NOC2L: variants seen among roughly 807,000 people sequenced by gnomAD.
NOC2L encodes nucleolar complex protein 2 homolog.
NOC2L carries 101 observed loss-of-function variants against 94.2 expected under a neutral mutation model. The observed-to-expected ratio is 1.07, with a 90% confidence interval of 0.91 to 1.26. The LOEUF is 1.26. Among genes scored for constraint, NOC2L ranks in the 50% most tolerant of loss-of-function variants. The pLI is 0.00. For synonymous variants in NOC2L, 531 were observed against 413.4 expected, an observed-to-expected ratio of 1.28 and a Z score of -3.45; for missense variants, 1,076 against 980.1, an observed-to-expected ratio of 1.10 and a Z score of -1.31.
In NOC2L at chr1:947,012, G is replaced by A. The variant is rs112689554; in HGVS notation, c.1660-467C>T. On this transcript the variant is annotated intron_variant, in intron 14 of 18. Coordinates refer to ENST00000327044, the MANE Select transcript of NOC2L (RefSeq NM_015658.4). ...ATGGAGATTGCAGTGAGCCGAGATCGCACCATTGCACTCCAGCCTGGGCAA... is the reference window on the plus strand; with the variant it reads ...ATGGAGATTGCAGTGAGCCGAGATCACACCATTGCACTCCAGCCTGGGCAA... The A allele has an allele frequency of 4.6e-3, 771 of 167,062 alleles. 8 individuals carry two copies. The highest frequency in any genetic ancestry group is 0.017 in the African/African-American group (697 of 41,820). 10.3% of individuals were successfully genotyped at this position (167,062 alleles called of 1,614,324 possible). A position where few individuals can be genotyped will look rare whatever the true frequency, so the allele number is the denominator to read the frequency against.
intron 12 of NOC2L, among the ~76,000 whole-genome samples, chr1:949,916 CTGGGCCT>C (rs1355039829): frequency 6.6e-6 from 1 of 152,232 alleles, no homozygotes; most frequent in East Asian, 1.9e-4. Context: ...TGACACGACT[CTGGGCCT>C]TCATGAGGCT....
chr1:951,181 C>G lies in NOC2L; in HGVS notation c.1389G>C (p.Thr463=). 1.3e-6 allele frequency: 2 copies of G among 1,597,430 alleles called. No individual in the cohort carries two copies. Among genetic ancestry groups the G allele is most frequent in the African/African-American group, 1.3e-5 (1 of 74,764 alleles). ...AGGCCCCCGAGCTCCCCGAGAGCAGCGTCAGGGCACGGATGCAGTGCATTC... is the reference window on the plus strand; with the variant it reads ...AGGCCCCCGAGCTCCCCGAGAGCAGGGTCAGGGCACGGATGCAGTGCATTC... ...PLRMHCIRAL[T]LLSGSSGAFI... Residue 463 remains threonine, a synonymous_variant, in exon 12 of 19, where the codon ACG becomes ACC. Coordinates refer to ENST00000327044, the MANE Select transcript of NOC2L (RefSeq NM_015658.4).
In NOC2L at chr1:955,785, C is replaced by T. The variant is rs573326066; in HGVS notation, c.698+138G>A. Reference sequence around the variant, plus strand: ...CCTCTCCCAACGGTCCCTCGTGCCCCGCTGCCTTCTCAGGGTCCCCAAGAA... The same window carrying T: ...CCTCTCCCAACGGTCCCTCGTGCCCTGCTGCCTTCTCAGGGTCCCCAAGAA... On this transcript the variant is annotated intron_variant, in intron 6 of 18. Transcript: ENST00000327044. 8 of 746,592 alleles carry T rather than the reference C, an allele frequency of 1.1e-5. 1 individual carries two copies. The highest frequency in any genetic ancestry group is 5.2e-5 in the African/African-American group (3 of 57,384). 46.2% of individuals were successfully genotyped at this position (746,592 alleles called of 1,614,324 possible).
intron 12 of NOC2L, among the ~76,000 whole-genome samples, chr1:949,600 G>A (rs1642199369): frequency 6.6e-6 from 1 of 152,234 alleles, no homozygotes; most frequent in Non-Finnish European, 1.5e-5. Context: ...CAGTGAACCA[G>A]GGCAGTGCAC....
At position 948,594 on chromosome 1, in the gene NOC2L, G is replaced by C; in HGVS notation, c.1453C>G (p.Gln485Glu). Residue 485 changes from glutamine (Q) to glutamate (E), a missense_variant, in exon 13 of 19, where the codon CAG becomes GAG. This residue lies in a region of NOC2L where 615 missense variants were observed against 577.4 expected (regional missense o/e 1.07). Coordinates refer to ENST00000327044, the MANE Select transcript of NOC2L (RefSeq NM_015658.4). ...CCTGGCTTCCTGTTGAAGTCGACCT[G>C]CTGGAACATCTGCCCCAAGGGCCGT... ...VLPFILEMFQ[Q>E]VDFNRKPGRM... 6.8e-7 allele frequency: 1 copy of C among 1,475,554 alleles called. No individual in the cohort carries two copies. The highest frequency in any genetic ancestry group is 9.1e-7 in the Non-Finnish European group (1 of 1,104,788). 91.4% of individuals were successfully genotyped at this position (1,475,554 alleles called of 1,614,324 possible).
At position 945,592 on chromosome 1, in the gene NOC2L, T is replaced by C. The variant is rs540404478; in HGVS notation, c.1979A>G (p.Asp660Gly). 2 of 1,613,982 alleles carry C rather than the reference T, an allele frequency of 1.2e-6. No individual in the cohort carries two copies. Among genetic ancestry groups the C allele is most frequent in the East Asian group, 4.5e-5 (2 of 44,884 alleles). The stretch of plus-strand genomic sequence containing the variant: ...AAAGAGGTCTTTAAATTGCTTCCTG[T>C]CCTCATCCTTCCTGTCAGCCATCTT... Reference protein sequence around the residue: ...RRKMADRKDEDRKQFKDLFDL... With the variant: ...RRKMADRKDEGRKQFKDLFDL... The change falls in exon 17 of 19, where the codon GAC becomes GGC. Residue 660 changes from aspartate (D) to glycine (G), a missense_variant. By Grantham distance (94) the Asp-to-Gly change is moderately conservative (BLOSUM62 -1). Coordinates refer to ENST00000327044, the MANE Select transcript of NOC2L (RefSeq NM_015658.4).
intron 2 of NOC2L, 94 bp from the exon 3 acceptor site, chr1:957,367 T>C (rs1642440350): frequency 8.4e-7 from 1 of 1,188,744 alleles, no homozygotes; most frequent in South Asian, 1.4e-5. Flanking sequence ...TCACAAGGGT[T>C]ACCAACTAGC....
intron 12 of NOC2L, 43 bp from the exon 13 acceptor site, chr1:948,646 G>T: frequency 1.3e-6 from 1 of 787,174 alleles, no homozygotes; most frequent in South Asian, 2.1e-5. Context: ...CCCATGCCTG[G>T]TCACCCTGGC....
rs1442681020 is a variant in NOC2L, at chr1:948,596, T to G, written c.1451A>C (p.Gln484Pro). 6.9e-7 allele frequency: 1 copy of G among 1,456,928 alleles called. No individual in the cohort carries two copies. The highest frequency in any genetic ancestry group is 9.1e-7 in the Non-Finnish European group (1 of 1,093,694). The allele number at this position is 1,456,928 out of a possible 1,614,324, so 90.3% of individuals were successfully genotyped here. A position where few individuals can be genotyped will look rare whatever the true frequency, so the allele number is the denominator to read the frequency against. The change falls in exon 13 of 19, where the codon CAG becomes CCG. Residue 484 changes from glutamine (Q) to proline (P), a missense_variant. Coordinates refer to ENST00000327044, the MANE Select transcript of NOC2L (RefSeq NM_015658.4). ...PVLPFILEMF[Q>P]QVDFNRKPGR... is the part of the protein sequence containing the mutation. ...TGGCTTCCTGTTGAAGTCGACCTGCTGGAACATCTGCCCCAAGGGCCGTGT... is the reference window on the plus strand; with the variant it reads ...TGGCTTCCTGTTGAAGTCGACCTGCGGGAACATCTGCCCCAAGGGCCGTGT...
intron 6 of NOC2L, 42 bp from the exon 7 acceptor site, chr1:954,124 C>T: frequency 1.3e-6 from 2 of 1,595,472 alleles, no homozygotes; most frequent in Non-Finnish European, 8.6e-7. Context: ...GGCCCCACGG[C>T]TCGGACGCGA....
intron 9 of NOC2L, 100 bp downstream of exon 9, chr1:953,075 T>C: frequency 1.3e-6 from 1 of 761,008 alleles, no homozygotes; most frequent in Non-Finnish European, 2.3e-6. Context: ...GCAGTGAGGG[T>C]CCAGTGAGGG....
chr1:946,726 A>C (rs1642128010), intron 14 of NOC2L, 181 bp from the exon 15 acceptor site: 1 of 687,414 alleles, frequency 1.5e-6, no homozygotes, highest in Admixed American at 2.9e-5. Context: ...GAATCAGCCC[A>C]CCCTCTGGGC....
intron 15 of NOC2L, 57 bp downstream of exon 15, chr1:946,345 C>T (rs1642113281): frequency 1.2e-6 from 2 of 1,611,622 alleles, no homozygotes; most frequent in Admixed American, 1.7e-5. Flanking sequence ...CCACATGTAG[C>T]TGGGGCTATA....
In NOC2L at chr1:953,857, C is replaced by T. The variant is rs369058698; in HGVS notation, c.813G>A (p.Ala271=). The T allele has an allele frequency of 1.6e-5, 26 of 1,613,146 alleles. No individual in the cohort carries two copies. The African/African-American group carries it at 2.5e-4, about 16-fold the overall frequency. ...VSCLSETTVL[A]AVLRHISVLV... The stretch of plus-strand genomic sequence containing the variant: ...GCACGCTGATGTGCCGCAGCACGGC[C>T]GCCAACACCGTCGTCTCCGACAGAC... Residue 271 remains alanine (A), a synonymous_variant, in exon 8 of 19, where the codon GCG becomes GCA. Transcript: ENST00000327044.
At chr1:953,328 C>A (rs1308650359) in intron 8 of NOC2L, 40 bp from the exon 9 acceptor site, 2 of 1,248,334 alleles carry the variant, frequency 1.6e-6, no homozygotes, top group Non-Finnish European at 2.3e-6. Flanking sequence ...CCCCAGCCTC[C>A]TCAGCAGGGA....
rs772543149 is a variant in NOC2L at position 953,187 on chromosome 1, G to A, written c.990C>T (p.Gly330=). The change falls in exon 9 of 19, where the codon GGC becomes GGT. Residue 330 remains glycine (G), a synonymous_variant. Transcript: ENST00000327044. ...VCRHKKDTFL[G]PVLKQMYITY... is the part of the protein sequence containing the mutation. ...GGCCCACCACTACCTTGAGGACGGGGCCAAGGAAAGTGTCCTTCTTGTGCC... is the reference window on the plus strand; with the variant it reads ...GGCCCACCACTACCTTGAGGACGGGACCAAGGAAAGTGTCCTTCTTGTGCC... The A allele has an allele frequency of 2.7e-5, 43 of 1,611,418 alleles. 1 individual carries two copies. The highest frequency in any genetic ancestry group is 1.0e-4 in the Admixed American group (6 of 59,998).
intron 2 of NOC2L, chr1:957,975 C>G (rs769592141): frequency 2.0e-5 from 3 of 152,734 alleles, no homozygotes; most frequent in African/African-American, 4.8e-5. Context: ...TGCCTGAAAT[C>G]CTAAGACACG....
At position 952,079 on chromosome 1, in the gene NOC2L, C is replaced by G; in HGVS notation, c.1252G>C (p.Val418Leu). The G allele has an allele frequency of 1.2e-6, 2 of 1,613,726 alleles. No homozygotes were observed. Among genetic ancestry groups the G allele is most frequent in the Non-Finnish European group, 1.7e-6 (2 of 1,180,000 alleles). ...YVHCLFLWCR[V>L]LSTAGPSEAL... ...TCGCTGGGGCCCGCAGTGCTCAGGA[C>G]CCGGCACCACAGGAAGAGGCAGTGC... is the stretch of plus-strand genomic sequence containing the variant. Residue 418 changes from valine to leucine, a missense_variant, in exon 11 of 19, where the codon GTC becomes CTC. Physicochemically the swap from Val to Leu is conservative, Grantham distance 32. Coordinates refer to ENST00000327044, the MANE Select transcript of NOC2L (RefSeq NM_015658.4).
At chr1:945,434 G>A in intron 17 of NOC2L, 84 bp downstream of exon 17, 1 of 1,515,542 alleles carries the variant, frequency 6.6e-7, no homozygotes, top group Middle Eastern at 2.4e-4. Flanking sequence ...TGCAGGATGG[G>A]TACAGGTGGC....
Sources: allele counts gnomAD v4.1 joint callset (sites outside exome capture counted in the v4.1 genomes callset), GRCh38; gene constraint gnomAD v4.1.1; regional missense constraint gnomAD v4.1.1; transcripts MANE v1.5; gene names NCBI Gene and HGNC (gene_info 2026-07-23, HGNC 2026-07-21).